LUC7L: variants seen among roughly 807,000 people sequenced by gnomAD.
The protein encoded by LUC7L is putative RNA-binding protein Luc7-like 1.
LUC7L carries 29 observed loss-of-function variants against 51.1 expected under a neutral mutation model. The ratio of observed to expected loss-of-function variants is 0.57; its 90% CI spans 0.42 to 0.77. LUC7L has a LOEUF of 0.77. Among genes scored for constraint, LUC7L ranks in the 30% least tolerant of loss-of-function variants. The pLI, the probability that LUC7L is intolerant of heterozygous loss-of-function variation, is 0.00. For missense variants in LUC7L, 403 were observed against 511.9 expected, an observed-to-expected ratio of 0.79 and a Z score of 2.05; for synonymous variants, 181 against 180.7, an observed-to-expected ratio of 1.00 and a Z score of -0.01.
rs2048940302 is a variant in LUC7L, at chr16:189,090, AAT to A, written c.*106_*107del. 1 of 1,270,760 alleles carries A rather than the reference AAT, an allele frequency of 7.9e-7. No homozygotes were observed. Among genetic ancestry groups the A allele is most frequent in the African/African-American group, 1.5e-5 (1 of 67,206 alleles). The allele number at this position is 1,270,760 out of a possible 1,614,324, so 78.7% of individuals were successfully genotyped here. On this transcript the variant is annotated 3_prime_UTR_variant, in exon 10 of 10. Transcript: ENST00000293872. ...AGAAACTCACAGCTAGCTCCAAAAC[AAT>A]AGAAATTTTAAACTACAAAAGATGA... is the stretch of plus-strand genomic sequence containing the variant.
intron 7 of LUC7L, among the ~76,000 whole-genome samples, chr16:191,230 C>A (rs1002881757): frequency 6.6e-6 from 1 of 152,222 alleles, no homozygotes; most frequent in African/African-American, 2.4e-5. Flanking sequence ...ACAGAATGTG[C>A]AGACAGCGAG....
intron 9 of LUC7L, 42 bp from the exon 10 acceptor site, chr16:189,381 C>G (rs574647177): frequency 1.9e-6 from 3 of 1,576,100 alleles, no homozygotes; most frequent in Admixed American, 1.7e-5. Flanking sequence ...GCTGCTGCCC[C>G]CCTTCTGCTG....
intron 7 of LUC7L, among the ~76,000 whole-genome samples, chr16:192,704 T>C (rs749801639): frequency 9.8e-5 from 15 of 152,296 alleles, no homozygotes; most frequent in Non-Finnish European, 2.1e-4. Flanking sequence ...GGTTTCACCA[T>C]GTTGGCCAGG....
Position 201,893 on chromosome 16 carries a change from G to A in LUC7L, c.511-2655C>T, listed in dbSNP as rs527867450. ...CAAGTAGCTGGGATTACAGGTGCCC[G>A]CCACCACACCTGGCTAATTTTTATA... is the stretch of plus-strand genomic sequence containing the variant. On this transcript the variant is annotated intron_variant, in intron 5 of 9. Coordinates refer to ENST00000293872, the MANE Select transcript of LUC7L (RefSeq NM_201412.3). 6.6e-5 allele frequency among the ~76,000 whole-genome samples: 10 copies of A among 151,722 alleles called. 1 individual carries two copies. The highest frequency in any genetic ancestry group is 3.9e-4 in the East Asian group (2 of 5,164).
intron 6 of LUC7L, among the ~76,000 whole-genome samples, 190 bp downstream of exon 6, chr16:198,872 G>T (rs1404664263): frequency 6.6e-6 from 1 of 152,008 alleles, no homozygotes; most frequent in Non-Finnish European, 1.5e-5. Flanking sequence ...TAGAGACGGG[G>T]TTTCACCATG....
intron 3 of LUC7L, among the ~76,000 whole-genome samples, chr16:214,711 G>T (rs555682266): frequency 5.3e-5 from 8 of 152,158 alleles, no homozygotes; most frequent in Admixed American, 2.6e-4. Context: ...GGTATTTTGT[G>T]TACAGACAGG....
chr16:217,721 A>AT (rs35522959), intron 3 of LUC7L, among the ~76,000 whole-genome samples: 18 of 146,632 alleles, frequency 1.2e-4, no homozygotes, highest in Non-Finnish European at 1.5e-4. Flanking sequence ...AAAAAAAAAA[A>AT]TTTTTTTTTT....
intron 5 of LUC7L, among the ~76,000 whole-genome samples, chr16:202,831 T>TA (rs1315180953): frequency 2.0e-5 from 3 of 152,086 alleles, no homozygotes; most frequent in African/African-American, 7.2e-5. Context: ...ACAAAAGCGA[T>TA]AAACTAGATG....
chr16:225,438 A>C (rs2050103093), intron 2 of LUC7L, among the ~76,000 whole-genome samples: 1 of 148,930 alleles, frequency 6.7e-6, no homozygotes, highest in Non-Finnish European at 1.5e-5. Flanking sequence ...GTGAGCCACG[A>C]TCACATCACT....
At chr16:199,038 T>C in intron 6 of LUC7L, 24 bp downstream of exon 6, 1 of 1,570,150 alleles carries the variant, frequency 6.4e-7, no homozygotes, top group Non-Finnish European at 8.7e-7. Context: ...CTCCTCAGCT[T>C]TCTCCAGAAA....
chr16:204,277 C>A, intron 5 of LUC7L, among the ~76,000 whole-genome samples: 1 of 149,878 alleles, frequency 6.7e-6, no homozygotes. Context: ...AACCCCATCC[C>A]TACTAGAAAT....
intron 1 of LUC7L, chr16:227,923 C>CA: frequency 1.0e-6 from 1 of 1,002,184 alleles, no homozygotes; most frequent in Non-Finnish European, 1.2e-6. Flanking sequence ...AAGACAATAC[C>CA]AAAAAAAGCA....
At chr16:197,490 G>GT (rs1435873030) in intron 6 of LUC7L, among the ~76,000 whole-genome samples, 2 of 152,138 alleles carry the variant, frequency 1.3e-5, no homozygotes. Context: ...GATTACAGGC[G>GT]TGAGCCACCA....
At chr16:193,415 G>A (rs1010562467) in intron 6 of LUC7L, among the ~76,000 whole-genome samples, 2 of 151,370 alleles carry the variant, frequency 1.3e-5, no homozygotes, top group Non-Finnish European at 2.9e-5. Context: ...AAAGTGCTGG[G>A]ATTACAGGCA....
intron 3 of LUC7L, among the ~76,000 whole-genome samples, chr16:211,653 A>T (rs994445729): frequency 6.6e-6 from 1 of 152,204 alleles, no homozygotes; most frequent in African/African-American, 2.4e-5. Flanking sequence ...TTAAGTCCTA[A>T]TCACAACCTA....
intron 2 of LUC7L, among the ~76,000 whole-genome samples, chr16:222,707 C>T (rs1322293830): frequency 1.3e-5 from 2 of 150,896 alleles, no homozygotes; most frequent in Admixed American, 1.3e-4. Flanking sequence ...CTCGGCTCAC[C>T]GCAACCTCCG....
chr16:218,026 C>CAA (rs11420593), intron 3 of LUC7L, among the ~76,000 whole-genome samples: 79 of 130,282 alleles, frequency 6.1e-4, no homozygotes, highest in Middle Eastern at 3.9e-3. Flanking sequence ...ACTATATCTC[C>CAA]AAAAAAAAAA....
intron 9 of LUC7L, 38 bp from the exon 10 acceptor site, chr16:189,377 GCCC>G: frequency 6.3e-7 from 1 of 1,580,522 alleles, no homozygotes; most frequent in African/African-American, 1.3e-5. Flanking sequence ...GGAGGCTGCT[GCCC>G]CCCTTCTGCT....
At chr16:202,605 A>G (rs1175800712) in intron 5 of LUC7L, among the ~76,000 whole-genome samples, 2 of 152,184 alleles carry the variant, frequency 1.3e-5, no homozygotes, top group Non-Finnish European at 2.9e-5. Context: ...TCTACCATAC[A>G]GCCCACATGG....
Sources: allele counts gnomAD v4.1 joint callset (sites outside exome capture counted in the v4.1 genomes callset), GRCh38; gene constraint gnomAD v4.1.1; transcripts MANE v1.5; gene names NCBI Gene and HGNC (gene_info 2026-07-23, HGNC 2026-07-21).